SLC45A4: variants seen among roughly 807,000 people sequenced by gnomAD.
The protein encoded by SLC45A4 is polyamine-transporter SLC45A4.
A neutral mutation model predicts 63.7 loss-of-function variants in SLC45A4; 32 were observed. The ratio of observed to expected loss-of-function variants is 0.50; its 90% CI spans 0.38 to 0.67. The LOEUF (loss-of-function observed/expected upper bound fraction) is 0.67, where lower values mean the gene tolerates loss of function less well. Among genes scored for constraint, SLC45A4 ranks in the 30% least tolerant of loss-of-function variants. SLC45A4 has a pLI of 0.00. For synonymous variants in SLC45A4, 535 were observed against 510.0 expected (o/e 1.05, Z -0.66); for missense variants, 1,027 against 1,157.7 (o/e 0.89, Z 1.64).
At chr8:141,285,666 C>G (rs1830114060) in intron 1 of SLC45A4, among the ~76,000 whole-genome samples, 1 of 152,228 alleles carries the variant, frequency 6.6e-6, no homozygotes, top group Non-Finnish European at 1.5e-5. Flanking sequence ...AAGCGCCGCC[C>G]TGGGATAACG....
intron 1 of SLC45A4, among the ~76,000 whole-genome samples, chr8:141,274,987 C>T (rs575041606): frequency 4.1e-4 from 63 of 152,386 alleles, no homozygotes; most frequent in African/African-American, 1.5e-3. Context: ...CGGCCACTTT[C>T]TCTTCGTGCT....
At chr8:141,245,099 G>A (rs533363854) in intron 2 of SLC45A4, among the ~76,000 whole-genome samples, 13 of 152,198 alleles carry the variant, frequency 8.5e-5, no homozygotes, top group East Asian at 7.7e-4. Context: ...TGCTGACTAC[G>A]AACCCAAGTG....
chr8:141,288,623 T>C (rs2154615231), intron 1 of SLC45A4, among the ~76,000 whole-genome samples: 1 of 152,350 alleles, frequency 6.6e-6, no homozygotes, highest in South Asian at 2.1e-4. Context: ...GTACTGACTA[T>C]GGCACTGTCC....
chr8:141,264,315 A>G (rs1829170645), intron 1 of SLC45A4, among the ~76,000 whole-genome samples: 1 of 151,968 alleles, frequency 6.6e-6, no homozygotes. Context: ...CAGCCCTGAG[A>G]CTGCTCTTTT....
rs1483044970 is a variant in SLC45A4, at chr8:141,215,650, G to C, written c.1941+109C>G. ...ATCTCAGAACCGGAGAGGAAGGAGG[G>C]CCATCTGTGTCGTGAACGTCCCCCC... is the stretch of plus-strand genomic sequence containing the variant. On this transcript the variant is annotated intron_variant, in intron 7 of 8. Coordinates refer to ENST00000517878, the MANE Select transcript of SLC45A4 (RefSeq NM_001286646.2). This position sits in a 1 kb window ranked among gnomAD's most constrained non-coding sequence, Gnocchi z 4.3. 7.2e-6 allele frequency: 8 copies of C among 1,107,466 alleles called. No individual in the cohort carries two copies. The Admixed American group carries it at 7.7e-5, about 11-fold the overall frequency. The allele number at this position is 1,107,466 out of a possible 1,614,324, so 68.6% of individuals were successfully genotyped here.
chr8:141,233,392 T>TA (rs955142676), intron 2 of SLC45A4, among the ~76,000 whole-genome samples: 6 of 151,922 alleles, frequency 3.9e-5, no homozygotes, highest in Non-Finnish European at 5.9e-5. Flanking sequence ...ATTTAAAAAT[T>TA]AAAAAAAACA....
intron 1 of SLC45A4, among the ~76,000 whole-genome samples, chr8:141,281,263 C>T (rs563094329): frequency 1.3e-5 from 2 of 152,252 alleles, no homozygotes; most frequent in East Asian, 1.9e-4. Context: ...CACTTGAACC[C>T]GGGAGGCGGA....
Position 141,212,572 on chromosome 8 carries a change from C to A in SLC45A4, c.1942-16G>T. 1 of 1,582,136 alleles carries A rather than the reference C, an allele frequency of 6.3e-7. No individual in the cohort carries two copies. Among genetic ancestry groups the A allele is most frequent in the Middle Eastern group, 1.7e-4 (1 of 5,956 alleles). ...GGTGGATGTACTGCAAGAGAGGAAACACGAGGCGGTGAGCGGCTGGAGAAG... is the reference window on the plus strand; with the variant it reads ...GGTGGATGTACTGCAAGAGAGGAAAAACGAGGCGGTGAGCGGCTGGAGAAG... On this transcript the variant is annotated splice_polypyrimidine_tract_variant and intron_variant, in intron 7 of 8. Transcript: ENST00000517878.
intron 1 of SLC45A4, among the ~76,000 whole-genome samples, chr8:141,296,356 C>T (rs895832365): frequency 4.6e-5 from 7 of 151,830 alleles, no homozygotes; most frequent in Non-Finnish European, 8.8e-5. Flanking sequence ...ATAAATTAGC[C>T]GGGCATGGTG....
At chr8:141,303,360 G>A (rs1054513545) in intron 1 of SLC45A4, among the ~76,000 whole-genome samples, 1 of 148,666 alleles carries the variant, frequency 6.7e-6, no homozygotes, top group Admixed American at 6.8e-5. Context: ...GGCTGGCCTG[G>A]AACTCCTGGA....
intron 1 of SLC45A4, among the ~76,000 whole-genome samples, chr8:141,277,609 TAAAAA>T (rs35641074): frequency 6.1e-5 from 9 of 148,576 alleles, no homozygotes; most frequent in Admixed American, 6.0e-4. Flanking sequence ...CTTTTACTCT[TAAAAA>T]AAAAAATCTT....
chr8:141,226,821 C>T (rs1271702877), intron 2 of SLC45A4: 2 of 152,272 alleles, frequency 1.3e-5, no homozygotes, highest in Non-Finnish European at 2.9e-5. Context: ...GGCAGCACGG[C>T]CACGGGACGC....
In SLC45A4 at chr8:141,218,292, T is replaced by C; in HGVS notation, c.1348A>G (p.Lys450Glu). The change falls in exon 5 of 9, where the codon AAG (lysine) becomes GAG (glutamate). Residue 450 changes from lysine (K) to glutamate (E), a missense_variant. Coordinates refer to ENST00000517878, the MANE Select transcript of SLC45A4 (RefSeq NM_001286646.2). ...AGGTCGCTCATGCTGCGCGACGGCT[T>C]GATCAGCACCACGGCGTTGGCGCGC... Reference protein sequence around the residue: ...YRRANAVVLIKPSRSMSDLYD... With the variant: ...YRRANAVVLIEPSRSMSDLYD... The C allele has an allele frequency of 6.2e-7, 1 of 1,605,640 alleles. No homozygotes were observed. The highest frequency in any genetic ancestry group is 1.1e-5 in the South Asian group (1 of 91,078).
intron 6 of SLC45A4, among the ~76,000 whole-genome samples, chr8:141,216,271 C>A (rs1331553407): frequency 1.3e-5 from 2 of 152,264 alleles, no homozygotes; most frequent in East Asian, 3.8e-4. Context: ...CCAGGCCAAT[C>A]TGGGCCCGCT....
chr8:141,218,606 C>T lies in SLC45A4; in HGVS notation c.1034G>A (p.Arg345His), dbSNP rs150199629. The change falls in exon 5 of 9, where the codon CGC becomes CAC. Residue 345 changes from arginine (R) to histidine (H), a missense_variant. Transcript: ENST00000517878. ...FHDASYPATP[R>H]STSQELAKTK... ...CTTGGCGAGCTCCTGGCTGGTGCTG[C>T]GGGGGGTGGCGGGGTAGGAGGCGTC... 5.6e-6 allele frequency: 9 copies of T among 1,613,130 alleles called. No individual in the cohort carries two copies. In the African/African-American group the frequency reaches 8.0e-5, roughly 14 times the overall value.
chr8:141,235,003 G>A (rs566687387), intron 2 of SLC45A4, among the ~76,000 whole-genome samples: 1 of 152,316 alleles, frequency 6.6e-6, no homozygotes, highest in Non-Finnish European at 1.5e-5. Context: ...CCTAGCAGGT[G>A]CTCGGAAGGC....
rs140273884 is a variant in SLC45A4 at position 141,218,176 on chromosome 8, C to T, written c.1464G>A (p.Gly488=). The T allele has an allele frequency of 2.9e-4, 458 of 1,606,136 alleles. No individual in the cohort carries two copies. In the African/African-American group the frequency reaches 5.4e-3, roughly 19 times the overall value. The change falls in exon 5 of 9, where the codon GGG becomes GGA. Residue 488 remains glycine, a synonymous_variant. Transcript: ENST00000517878. The stretch of plus-strand genomic sequence containing the variant: ...GCAGGCGCACCGTGGTCTCGCCCTC[C>T]CCCTCCTCACTCTCGGTGTCCCCGC... ...TSSGDTESEE[G]EGETTVRLLW...
intron 1 of SLC45A4, among the ~76,000 whole-genome samples, chr8:141,274,727 G>A (rs1259856166): frequency 6.6e-6 from 1 of 152,166 alleles, no homozygotes; most frequent in Non-Finnish European, 1.5e-5. Context: ...CAGCCATCTC[G>A]AGGGACAGAA....
intron 2 of SLC45A4, among the ~76,000 whole-genome samples, chr8:141,250,152 A>G (rs1224669026): frequency 2.0e-5 from 3 of 152,190 alleles, no homozygotes; most frequent in Non-Finnish European, 4.4e-5. Flanking sequence ...TATGCACTAC[A>G]TATATTGTGT....
Sources: allele counts gnomAD v4.1 joint callset (sites outside exome capture counted in the v4.1 genomes callset), GRCh38; gene constraint gnomAD v4.1.1; non-coding constraint Gnocchi (gnomAD v3.1); transcripts MANE v1.5; gene names NCBI Gene and HGNC (gene_info 2026-07-23, HGNC 2026-07-21).